TSPEAR: variants seen among roughly 807,000 people sequenced by gnomAD.
TSPEAR encodes the protein thrombospondin-type laminin G domain and EAR repeat-containing protein.
TSPEAR carries 69 observed loss-of-function variants against 71.6 expected under a neutral mutation model. That is an observed-to-expected ratio of 0.96 (90% CI 0.79 to 1.18). The LOEUF (loss-of-function observed/expected upper bound fraction) is 1.18, where lower values mean the gene tolerates loss of function less well. Ranked by LOEUF, TSPEAR falls within the 50% of genes most tolerant of loss-of-function variation. TSPEAR has a pLI of 0.00. For synonymous variants in TSPEAR, 402 were observed against 387.2 expected, an observed-to-expected ratio of 1.04 and a Z score of -0.45; for missense variants, 971 against 894.9, an observed-to-expected ratio of 1.09 and a Z score of -1.09.
chr21:44,502,812 A>G (rs587745576), intron 11 of TSPEAR, among the ~76,000 whole-genome samples: 3 of 149,794 alleles, frequency 2.0e-5, no homozygotes, highest in Admixed American at 2.0e-4. Flanking sequence ...CCCCGGGGGG[A>G]AGCAAGGCTC....
At position 44,710,431 on chromosome 21, in the gene TSPEAR, AC is replaced by A. The variant is rs1288480714; in HGVS notation, c.82+1001del. ...GTTTATGACCCCCACCCCCACCCCCACCCCCCACGCGAGTCAGCACGTTCCA... is the reference window on the plus strand; with the variant it reads ...GTTTATGACCCCCACCCCCACCCCCACCCCCACGCGAGTCAGCACGTTCCA... On this transcript the variant is annotated intron_variant, in intron 1 of 11. Transcript: ENST00000323084. The surrounding 1 kb of genome is among the most constrained non-coding windows in gnomAD (Gnocchi z 4.6). Among the ~76,000 whole-genome samples the A allele has an allele frequency of 1.2e-5, 1 of 81,756 alleles. No individual in the cohort carries two copies. Among genetic ancestry groups the A allele is most frequent in the African/African-American group, 4.7e-5 (1 of 21,268 alleles). The allele number at this position is 81,756 out of a possible 152,430, so 53.6% of individuals were successfully genotyped here.
At chr21:44,602,921 G>A (rs1211122) in intron 1 of TSPEAR, among the ~76,000 whole-genome samples, 126,092 of 151,858 alleles carry the variant, frequency 0.83, 54,127 homozygotes, top group Non-Finnish European at 0.94. Context: ...TGTGGCCTGT[G>A]TCCTCCTGGA....
intron 4 of TSPEAR, among the ~76,000 whole-genome samples, chr21:44,530,300 T>C (rs1406615283): frequency 6.6e-6 from 1 of 151,824 alleles, no homozygotes; most frequent in African/African-American, 2.4e-5. Flanking sequence ...AATCCATTCA[T>C]CCATCACTAA....
chr21:44,626,776 C>T (rs1555934443), intron 1 of TSPEAR, among the ~76,000 whole-genome samples: 2 of 152,098 alleles, frequency 1.3e-5, no homozygotes, highest in Non-Finnish European at 2.9e-5. Flanking sequence ...GGGCCAGTGG[C>T]TGGACGATGC....
chr21:44,517,552 A>G, intron 9 of TSPEAR: 4 of 345,480 alleles, frequency 1.2e-5, no homozygotes, highest in South Asian at 8.6e-5. Context: ...AGGCTGGGAC[A>G]TGTGACTGGC....
At chr21:44,628,882 G>A (rs78895311) in intron 1 of TSPEAR, among the ~76,000 whole-genome samples, 1,702 of 152,286 alleles carry the variant, frequency 0.011, 36 homozygotes, top group African/African-American at 0.038. Flanking sequence ...CTTGCCGCTG[G>A]GATGCAGAGC....
At chr21:44,677,921 A>T in intron 1 of TSPEAR, 2 of 1,395,134 alleles carry the variant, frequency 1.4e-6, no homozygotes, top group Non-Finnish European at 2.0e-6. Context: ...CAATACCTCC[A>T]CCAAAAAACA....
At chr21:44,667,036 G>C in intron 1 of TSPEAR, 5 of 926,928 alleles carry the variant, frequency 5.4e-6, no homozygotes, top group Non-Finnish European at 8.0e-6. Context: ...CTGTCTCCTG[G>C]AGCTTAATTT....
intron 1 of TSPEAR, among the ~76,000 whole-genome samples, chr21:44,568,962 A>G (rs1277084429): frequency 1.3e-5 from 2 of 151,936 alleles, no homozygotes; most frequent in Non-Finnish European, 2.9e-5. Context: ...AATGTCATGG[A>G]TTCTCTGTGA....
intron 1 of TSPEAR, chr21:44,574,481 T>C (rs528503): frequency 1.2e-6 from 2 of 1,608,768 alleles, no homozygotes; most frequent in Non-Finnish European, 1.7e-6. Context: ...GCTGCAAGCC[T>C]GTGTGCTCTG....
At chr21:44,589,201 A>G (rs1979578961) in intron 1 of TSPEAR, among the ~76,000 whole-genome samples, 1 of 152,236 alleles carries the variant, frequency 6.6e-6, no homozygotes, top group Admixed American at 6.5e-5. Flanking sequence ...ATGTCACCAC[A>G]TGTGGGCTCT....
intron 1 of TSPEAR, among the ~76,000 whole-genome samples, chr21:44,692,276 T>G (rs1555949811): frequency 6.6e-6 from 1 of 152,210 alleles, no homozygotes; most frequent in African/African-American, 2.4e-5. Context: ...ACTGAAAGCT[T>G]TCCCCCTAAG....
chr21:44,682,079 G>C, intron 1 of TSPEAR: 1 of 1,613,938 alleles, frequency 6.2e-7, no homozygotes, highest in South Asian at 1.1e-5. Context: ...GGCTGGGCGC[G>C]CAGCAGGCTG....
At chr21:44,615,565 T>A (rs1477722698) in intron 1 of TSPEAR, among the ~76,000 whole-genome samples, 1 of 147,278 alleles carries the variant, frequency 6.8e-6, no homozygotes, top group East Asian at 2.0e-4. Context: ...TTTTTTTTTT[T>A]AAATTTATTC....
At chr21:44,578,314 G>A (rs1266018750) in intron 1 of TSPEAR, among the ~76,000 whole-genome samples, 1 of 152,176 alleles carries the variant, frequency 6.6e-6, no homozygotes, top group African/African-American at 2.4e-5. Context: ...GACTGGAAAT[G>A]CATCATTTAT....
chr21:44,558,119 G>A, intron 2 of TSPEAR: 1 of 1,612,580 alleles, frequency 6.2e-7, no homozygotes. Context: ...ACGTGGGGCG[G>A]CAGAGGAGGG....
At chr21:44,632,895 T>C (rs1983336023) in intron 1 of TSPEAR, among the ~76,000 whole-genome samples, 1 of 152,180 alleles carries the variant, frequency 6.6e-6, no homozygotes, top group Non-Finnish European at 1.5e-5. Context: ...GTATCAGTTT[T>C]GGTAGTTTGT....
intron 2 of TSPEAR, among the ~76,000 whole-genome samples, chr21:44,565,741 C>T (rs1201301655): frequency 6.6e-6 from 1 of 152,112 alleles, no homozygotes; most frequent in Non-Finnish European, 1.5e-5. Flanking sequence ...TATGAAGAAT[C>T]CACAGTTAAT....
At chr21:44,681,003 A>G (rs924176880) in intron 1 of TSPEAR, among the ~76,000 whole-genome samples, 4 of 152,232 alleles carry the variant, frequency 2.6e-5, no homozygotes, top group Non-Finnish European at 5.9e-5. Context: ...GCTAGAAGAG[A>G]GAGTGTAAAA....
Sources: allele counts gnomAD v4.1 joint callset (sites outside exome capture counted in the v4.1 genomes callset), GRCh38; gene constraint gnomAD v4.1.1; non-coding constraint Gnocchi (gnomAD v3.1); transcripts MANE v1.5; gene names NCBI Gene and HGNC (gene_info 2026-07-23, HGNC 2026-07-21).